PRICKLE2: variants seen among roughly 807,000 people sequenced by gnomAD.
PRICKLE2 encodes prickle planar cell polarity protein 2.
A neutral mutation model predicts 81.4 loss-of-function variants in PRICKLE2; 21 were observed. The observed-to-expected ratio is 0.26, with a 90% confidence interval of 0.18 to 0.37. The LOEUF (loss-of-function observed/expected upper bound fraction) is 0.37, where lower values mean the gene tolerates loss of function less well. PRICKLE2 is among the 10% of genes least tolerant of loss of function. The probability of loss-of-function intolerance (pLI) is 1.00; values close to 1 mark genes in which losing one functional copy is unlikely to be tolerated. For missense variants in PRICKLE2, 940 were observed against 1,109.0 expected (o/e 0.85, Z 2.16); for synonymous variants, 456 against 421.5 (o/e 1.08, Z -1.00).
chr3:64,226,972 G>C (rs953279686), upstream of PRICKLE2, among the ~76,000 whole-genome samples: 1 of 152,214 alleles, frequency 6.6e-6, no homozygotes, highest in Non-Finnish European at 1.5e-5. Context: ...ACACTCCCCC[G>C]CCTGGGGAAC....
chr3:64,105,247 G>A (rs2076736486), intron 7 of PRICKLE2, among the ~76,000 whole-genome samples: 1 of 152,068 alleles, frequency 6.6e-6, no homozygotes, highest in South Asian at 2.1e-4. Flanking sequence ...GTTGTCTTCT[G>A]GCCAACCACT....
At chr3:64,257,682 G>A (rs1049335406) in intron 2 of PRICKLE2, among the ~76,000 whole-genome samples, 11 of 152,212 alleles carry the variant, frequency 7.2e-5, no homozygotes, top group Non-Finnish European at 1.3e-4. Context: ...AACACATCAA[G>A]AGAATGTAGG....
intron 7 of PRICKLE2, among the ~76,000 whole-genome samples, chr3:64,108,388 T>C (rs1008239557): frequency 2.0e-5 from 3 of 152,164 alleles, no homozygotes; most frequent in Middle Eastern, 3.2e-3. Flanking sequence ...AGTCAATCGA[T>C]TTCCTCAACA....
chr3:64,260,663 A>G (rs2079603662), intron 2 of PRICKLE2, among the ~76,000 whole-genome samples: 1 of 152,206 alleles, frequency 6.6e-6, no homozygotes, highest in Non-Finnish European at 1.5e-5. Context: ...CTTCCCTGCC[A>G]ATATCTGTTG....
chr3:64,211,200 G>A (rs542319808), intron 1 of PRICKLE2, among the ~76,000 whole-genome samples: 1 of 152,314 alleles, frequency 6.6e-6, no homozygotes, highest in Non-Finnish European at 1.5e-5. Context: ...AGTTTCTACA[G>A]AAGCAGGAAC....
At chr3:64,152,822 A>C (rs2077568514) in intron 6 of PRICKLE2, among the ~76,000 whole-genome samples, 2 of 152,204 alleles carry the variant, frequency 1.3e-5, no homozygotes, top group Non-Finnish European at 2.9e-5. Context: ...AACTGACCTG[A>C]AAACTGGAAG....
intron 2 of PRICKLE2, among the ~76,000 whole-genome samples, chr3:64,246,420 C>A (rs2079355146): frequency 6.6e-6 from 1 of 152,166 alleles, no homozygotes; most frequent in African/African-American, 2.4e-5. Flanking sequence ...ACCTATAGCA[C>A]CCCCACAACC....
At chr3:64,149,544 G>A (rs2077510815) in intron 6 of PRICKLE2, among the ~76,000 whole-genome samples, 2 of 152,198 alleles carry the variant, frequency 1.3e-5, no homozygotes, top group South Asian at 4.1e-4. Flanking sequence ...CAGGACCCCT[G>A]CATTCTCCTG....
At chr3:64,134,324 G>A (rs979296970) in intron 7 of PRICKLE2, among the ~76,000 whole-genome samples, 3 of 152,178 alleles carry the variant, frequency 2.0e-5, no homozygotes, top group East Asian at 1.9e-4. Context: ...CGGGGCTTCC[G>A]AAGCATCCAG....
chr3:64,114,539 G>C (rs1120963), intron 7 of PRICKLE2, among the ~76,000 whole-genome samples: 1 of 151,898 alleles, frequency 6.6e-6, no homozygotes, highest in African/African-American at 2.4e-5. Flanking sequence ...ACTGACCTTA[G>C]AGAGCTAAAA....
chr3:64,139,775 C>T (rs2077332365), intron 7 of PRICKLE2, among the ~76,000 whole-genome samples: 1 of 152,158 alleles, frequency 6.6e-6, no homozygotes, highest in Non-Finnish European at 1.5e-5. Context: ...GCCATAGGAC[C>T]TTCTGACAAC....
At chr3:64,195,211 G>C (rs892511104) in intron 2 of PRICKLE2, among the ~76,000 whole-genome samples, 1 of 152,150 alleles carries the variant, frequency 6.6e-6, no homozygotes, top group Non-Finnish European at 1.5e-5. Flanking sequence ...GAGATCACAA[G>C]ATAAATGCCT....
chr3:64,108,690 T>C (rs2076795303), intron 7 of PRICKLE2, among the ~76,000 whole-genome samples: 1 of 152,182 alleles, frequency 6.6e-6, no homozygotes, highest in Admixed American at 6.5e-5. Flanking sequence ...CTGGTGATTC[T>C]CATGTTCATG....
chr3:64,154,787 T>G (rs1439284379), intron 5 of PRICKLE2: 1 of 152,136 alleles, frequency 6.6e-6, no homozygotes, highest in Non-Finnish European at 1.5e-5. Flanking sequence ...GAGAAAATAT[T>G]TGCCAATCAT....
At chr3:64,188,891 C>T (rs1361073001) in intron 2 of PRICKLE2, among the ~76,000 whole-genome samples, 3 of 152,194 alleles carry the variant, frequency 2.0e-5, no homozygotes, top group Non-Finnish European at 4.4e-5. Context: ...AGCCTGTCAA[C>T]TCCTTGCTCC....
chr3:64,159,028 T>C (rs1235041756), intron 4 of PRICKLE2, among the ~76,000 whole-genome samples: 1 of 152,160 alleles, frequency 6.6e-6, no homozygotes, highest in East Asian at 1.9e-4. Flanking sequence ...CGATCAGCAC[T>C]GGAAAGCCTG....
At chr3:64,227,857 T>G (rs960177751), upstream of PRICKLE2, among the ~76,000 whole-genome samples, 1 of 152,272 alleles carries the variant, frequency 6.6e-6, no homozygotes, top group Admixed American at 6.5e-5. Flanking sequence ...GCAAATTAGT[T>G]AAGTAACCAG....
intron 2 of PRICKLE2, among the ~76,000 whole-genome samples, chr3:64,187,830 C>T (rs996237403): frequency 1.3e-5 from 2 of 152,226 alleles, no homozygotes; most frequent in African/African-American, 4.8e-5. Flanking sequence ...TAAAGCTGGA[C>T]GCCTGGCACT....
chr3:64,198,168 C>T (rs545816179), intron 2 of PRICKLE2, among the ~76,000 whole-genome samples: 47 of 151,294 alleles, frequency 3.1e-4, no homozygotes, highest in South Asian at 2.7e-3. Context: ...GCCAAGATCG[C>T]GCCACTGCAC....
Sources: allele counts gnomAD v4.1 joint callset (sites outside exome capture counted in the v4.1 genomes callset), GRCh38; gene constraint gnomAD v4.1.1; transcripts MANE v1.5; gene names NCBI Gene and HGNC (gene_info 2026-07-23, HGNC 2026-07-21).